The following PRICKLE1 variants were observed in gnomAD, a reference collection of about 807,000 sequenced individuals.
PRICKLE1 encodes prickle planar cell polarity protein 1.
In PRICKLE1, 14 loss-of-function variants were observed where a neutral mutation model predicts 70.2. That is an observed-to-expected ratio of 0.20 (90% CI 0.13 to 0.31). The LOEUF is 0.31. PRICKLE1 is among the 10% of genes least tolerant of loss of function. The probability of loss-of-function intolerance (pLI) is 1.00; values close to 1 mark genes in which losing one functional copy is unlikely to be tolerated. For missense variants in PRICKLE1, 821 were observed against 1,026.2 expected (o/e 0.80, Z 2.73); for synonymous variants, 357 against 379.9 (o/e 0.94, Z 0.70).
chr12:42,477,482 GTATATATATATATATATA>G lies in PRICKLE1; in HGVS notation c.-48-4936_-48-4919del, dbSNP rs139988285. Among the ~76,000 whole-genome samples, 95 of 116,398 alleles carry G rather than the reference GTATATATATATATATATA, an allele frequency of 8.2e-4. 2 individuals carry two copies. Among genetic ancestry groups the G allele is most frequent in the Middle Eastern group, 5.1e-3 (1 of 198 alleles). 76.4% of individuals were successfully genotyped at this position (116,398 alleles called of 152,430 possible). On this transcript the variant is annotated intron_variant, in intron 1 of 7. Transcript: ENST00000345127. ...CGTATATATGTGTGTGTGTGTGTGT[GTATATATATATATATATA>G]TATATATATATATATATATATATAT...
chr12:42,507,966 T>C (rs1939447173), intron 1 of PRICKLE1, among the ~76,000 whole-genome samples: 1 of 152,244 alleles, frequency 6.6e-6, no homozygotes. Context: ...ACGATGTCAA[T>C]CTCATTTGGA....
chr12:42,586,789 G>T (rs1940993175), intron 1 of PRICKLE1, among the ~76,000 whole-genome samples: 1 of 152,164 alleles, frequency 6.6e-6, no homozygotes, highest in African/African-American at 2.4e-5. Context: ...AATTATAAGA[G>T]ATTTTAGAGA....
intron 1 of PRICKLE1, among the ~76,000 whole-genome samples, chr12:42,516,584 C>T (rs1021859392): frequency 3.9e-5 from 6 of 152,038 alleles, no homozygotes; most frequent in Non-Finnish European, 8.8e-5. Context: ...TCTGTTTTAA[C>T]TGTTATTATC....
chr12:42,498,003 A>ATTAT (rs946916777), intron 1 of PRICKLE1, among the ~76,000 whole-genome samples: 3 of 152,100 alleles, frequency 2.0e-5, no homozygotes, highest in African/African-American at 2.4e-5. Flanking sequence ...TTAAAAAATT[A>ATTAT]TTATTTATTT....
At chr12:42,512,203 CTCTGTCACCCAG>C (rs1383911604) in intron 1 of PRICKLE1, among the ~76,000 whole-genome samples, 1 of 152,186 alleles carries the variant, frequency 6.6e-6, no homozygotes, top group Non-Finnish European at 1.5e-5. Flanking sequence ...CAGAATCTTG[CTCTGTCACCCAG>C]GATGGAGTGC....
intron 1 of PRICKLE1, among the ~76,000 whole-genome samples, chr12:42,510,687 T>C (rs1939496618): frequency 6.6e-6 from 1 of 152,216 alleles, no homozygotes; most frequent in Non-Finnish European, 1.5e-5. Flanking sequence ...AAATTGATGC[T>C]ATTTTCCCAA....
At position 42,506,556 on chromosome 12, in the gene PRICKLE1, T is replaced by A. The variant is rs2600939; in HGVS notation, c.-48-33992A>T. On this transcript the variant is annotated intron_variant, in intron 1 of 7. Coordinates refer to ENST00000345127, the MANE Select transcript of PRICKLE1 (RefSeq NM_153026.3). ...ACAGACGTGAGCCACCGCGCCCAGC[T>A]CAATAGTGTTCTTTTTTTTTTTTTT... Among the ~76,000 whole-genome samples the A allele has an allele frequency of 7.7e-3, 1,033 of 133,340 alleles. 7 individuals are homozygous for A. The highest frequency in any genetic ancestry group is 0.012 in the Non-Finnish European group (773 of 64,064). The allele number at this position is 133,340 out of a possible 152,430, so 87.5% of individuals were successfully genotyped here.
At chr12:42,555,597 G>A (rs544017486) in intron 1 of PRICKLE1, among the ~76,000 whole-genome samples, 1 of 152,014 alleles carries the variant, frequency 6.6e-6, no homozygotes, top group Non-Finnish European at 1.5e-5. Flanking sequence ...TCAATGTTTT[G>A]TTGAGTTTCA....
rs549479519 is a variant in PRICKLE1, at chr12:42,572,204, C to T, written c.-49+17261G>A. Reference sequence around the variant, plus strand: ...ATCCCAGCACTTTGGGAGGCCGAGGCGGGCGGATTACTTGAGGCCAGGAGT... The same window carrying T: ...ATCCCAGCACTTTGGGAGGCCGAGGTGGGCGGATTACTTGAGGCCAGGAGT... On this transcript the variant is annotated intron_variant, in intron 1 of 7. Coordinates refer to ENST00000345127, the MANE Select transcript of PRICKLE1 (RefSeq NM_153026.3). 4.6e-5 allele frequency among the ~76,000 whole-genome samples: 7 copies of T among 152,024 alleles called. No individual in the cohort carries two copies. The East Asian group carries it at 9.7e-4, about 21-fold the overall frequency.
At chr12:42,565,855 G>A (rs540737670) in intron 1 of PRICKLE1, among the ~76,000 whole-genome samples, 44 of 152,270 alleles carry the variant, frequency 2.9e-4, no homozygotes, top group African/African-American at 1.0e-3. Flanking sequence ...TGGGAGCTGC[G>A]AGGGCTTTGT....
intron 1 of PRICKLE1, among the ~76,000 whole-genome samples, chr12:42,498,595 C>T (rs1939251923): frequency 1.3e-5 from 2 of 152,180 alleles, no homozygotes; most frequent in Non-Finnish European, 2.9e-5. Flanking sequence ...CCAACCTGGA[C>T]AATAGGATGA....
At chr12:42,586,659 T>G (rs1168898850) in intron 1 of PRICKLE1, among the ~76,000 whole-genome samples, 1 of 152,214 alleles carries the variant, frequency 6.6e-6, no homozygotes, top group African/African-American at 2.4e-5. Context: ...AATATAGGTA[T>G]AGGCCATTAA....
chr12:42,466,974 T>C (rs371027492), intron 5 of PRICKLE1, among the ~76,000 whole-genome samples: 99 of 152,332 alleles, frequency 6.5e-4, no homozygotes, highest in African/African-American at 2.4e-3. Context: ...ACTCCTGGGC[T>C]TGAGCGATCC....
intron 1 of PRICKLE1, among the ~76,000 whole-genome samples, chr12:42,475,517 G>A (rs964738555): frequency 1.3e-5 from 2 of 152,078 alleles, no homozygotes; most frequent in Non-Finnish European, 2.9e-5. Flanking sequence ...TCCAGGGGGG[G>A]AGTGCTGATG....
chr12:42,566,227 A>C (rs1940619417), intron 1 of PRICKLE1, among the ~76,000 whole-genome samples: 1 of 152,078 alleles, frequency 6.6e-6, no homozygotes, highest in Non-Finnish European at 1.5e-5. Flanking sequence ...GGGAAGGGGG[A>C]AGCTGGTTCC....
chr12:42,514,673 T>A (rs906692673), intron 1 of PRICKLE1, among the ~76,000 whole-genome samples: 142 of 152,206 alleles, frequency 9.3e-4, no homozygotes, highest in African/African-American at 3.2e-3. Context: ...CGTGACCTAT[T>A]CCATTTTTTC....
At chr12:42,508,019 A>G (rs993933676) in intron 1 of PRICKLE1, among the ~76,000 whole-genome samples, 5 of 152,204 alleles carry the variant, frequency 3.3e-5, no homozygotes, top group African/African-American at 4.8e-5. Context: ...ATAAAAGTTA[A>G]CTACACAAAC....
chr12:42,460,754 A>G (rs1593101123), intron 7 of PRICKLE1, 89 bp from the exon 8 acceptor site: 2 of 1,483,762 alleles, frequency 1.3e-6, no homozygotes, highest in South Asian at 1.1e-5. Flanking sequence ...GAAATATTTC[A>G]AAGAAAATTT....
chr12:42,570,940 G>A (rs1940701589), intron 1 of PRICKLE1, among the ~76,000 whole-genome samples: 1 of 152,044 alleles, frequency 6.6e-6, no homozygotes, highest in Non-Finnish European at 1.5e-5. Flanking sequence ...TTATTTTAAA[G>A]TAACTATATT....
Sources: allele counts gnomAD v4.1 joint callset (sites outside exome capture counted in the v4.1 genomes callset), GRCh38; gene constraint gnomAD v4.1.1; transcripts MANE v1.5; gene names NCBI Gene and HGNC (gene_info 2026-07-23, HGNC 2026-07-21).